Variants in GPC5 observed in about 807,000 individuals in gnomAD.
GPC5 encodes the protein glypican-5.
A neutral mutation model predicts 53.9 loss-of-function variants in GPC5; 47 were observed. The ratio of observed to expected loss-of-function variants is 0.87; its 90% confidence interval spans 0.69 to 1.11. The LOEUF is 1.11. Among genes scored for constraint, GPC5 ranks in the 50% most tolerant of loss-of-function variants. The probability of loss-of-function intolerance (pLI) is 0.00; values close to 1 mark genes in which losing one functional copy is unlikely to be tolerated. For synonymous variants in GPC5, 286 were observed against 263.3 expected, an observed-to-expected ratio of 1.09 and a Z score of -0.84; for missense variants, 748 against 713.1, an observed-to-expected ratio of 1.05 and a Z score of -0.56.
chr13:91,765,179 G>T lies in GPC5; in HGVS notation c.1280+8759G>T, dbSNP rs530110852. ...GCTGCCTTCCATTTGCGTAGGCATAGGCCAACTACCAGCCCTTTTAGTCCT... is the reference window on the plus strand; with the variant it reads ...GCTGCCTTCCATTTGCGTAGGCATATGCCAACTACCAGCCCTTTTAGTCCT... On this transcript the variant is annotated intron_variant, in intron 5 of 7. Coordinates refer to ENST00000377067, the MANE Select transcript of GPC5 (RefSeq NM_004466.6). 6.8e-4 allele frequency among the ~76,000 whole-genome samples: 103 copies of T among 152,220 alleles called. 1 individual carries two copies. The highest frequency in any genetic ancestry group is 1.2e-3 in the Admixed American group (19 of 15,288).
At chr13:92,109,558 G>T (rs1298631679) in intron 6 of GPC5, among the ~76,000 whole-genome samples, 2 of 152,050 alleles carry the variant, frequency 1.3e-5, no homozygotes. Flanking sequence ...TGAAAATTTA[G>T]ATTCAACAAA....
chr13:91,419,169 T>C (rs1177415350), intron 1 of GPC5, among the ~76,000 whole-genome samples: 2 of 152,148 alleles, frequency 1.3e-5, no homozygotes, highest in Non-Finnish European at 2.9e-5. Context: ...AGCAATTCAA[T>C]GTCTTAATAG....
intron 3 of GPC5, among the ~76,000 whole-genome samples, chr13:91,701,310 T>C (rs2035986543): frequency 6.6e-6 from 1 of 152,146 alleles, no homozygotes; most frequent in African/African-American, 2.4e-5. Flanking sequence ...AACTCATTCT[T>C]TCTGTCTAAT....
At chr13:91,980,148 T>C (rs913151699) in intron 6 of GPC5, among the ~76,000 whole-genome samples, 1 of 152,224 alleles carries the variant, frequency 6.6e-6, no homozygotes, top group Non-Finnish European at 1.5e-5. Flanking sequence ...TCCAACACTG[T>C]GACAGAGAAA....
intron 7 of GPC5, among the ~76,000 whole-genome samples, chr13:92,152,010 T>A (rs1422688895): frequency 6.6e-6 from 1 of 152,150 alleles, no homozygotes; most frequent in Admixed American, 6.5e-5. Context: ...GATGAGAAGG[T>A]TTCCTGGGAG....
Position 92,189,619 on chromosome 13 carries a change from A to G in GPC5, c.1561+44630A>G, listed in dbSNP as rs547343310. Reference sequence around the variant, plus strand: ...CACACACACACACAAAAGTTTCAAGAGACTGAACGAGTATGAGAATCAGAG... The same window carrying G: ...CACACACACACACAAAAGTTTCAAGGGACTGAACGAGTATGAGAATCAGAG... On this transcript the variant is annotated intron_variant, in intron 7 of 7. Coordinates refer to ENST00000377067, the MANE Select transcript of GPC5 (RefSeq NM_004466.6). Among the ~76,000 whole-genome samples, 9 of 152,148 alleles carry G rather than the reference A, an allele frequency of 5.9e-5. No individual in the cohort carries two copies. In the South Asian group the frequency reaches 1.7e-3, roughly 28 times the overall value.
At chr13:91,856,927 C>A (rs7992519) in intron 5 of GPC5, among the ~76,000 whole-genome samples, 28,543 of 150,108 alleles carry the variant, frequency 0.19, 3,019 homozygotes, top group East Asian at 0.31. Flanking sequence ...ACCTGAAATT[C>A]ATTTGTGTGT....
At chr13:91,645,274 T>G (rs2034531376) in intron 2 of GPC5, among the ~76,000 whole-genome samples, 1 of 152,224 alleles carries the variant, frequency 6.6e-6, no homozygotes, top group Non-Finnish European at 1.5e-5. Flanking sequence ...TTTTTTATCT[T>G]GACTTTGAAA....
intron 1 of GPC5, among the ~76,000 whole-genome samples, chr13:91,444,375 A>AT (rs1219683205): frequency 1.3e-5 from 2 of 151,086 alleles, no homozygotes; most frequent in Non-Finnish European, 3.0e-5. Flanking sequence ...ATTCCAGCAT[A>AT]TTTTTTCTTG....
chr13:91,929,917 A>G (rs2039805898), intron 6 of GPC5, among the ~76,000 whole-genome samples: 3 of 152,056 alleles, frequency 2.0e-5, no homozygotes, highest in Admixed American at 2.0e-4. Flanking sequence ...ATTGATATAG[A>G]TTATTTAGTA....
intron 7 of GPC5, among the ~76,000 whole-genome samples, chr13:92,163,671 C>A (rs1479404916): frequency 6.6e-6 from 1 of 152,098 alleles, no homozygotes; most frequent in African/African-American, 2.4e-5. Context: ...CTAGATGTAG[C>A]TTCAGCAAAA....
intron 7 of GPC5, among the ~76,000 whole-genome samples, chr13:92,246,071 C>T (rs1594033417): frequency 6.6e-6 from 1 of 152,026 alleles, no homozygotes; most frequent in Non-Finnish European, 1.5e-5. Context: ...CTCATTGATT[C>T]TGAGATCTTA....
intron 3 of GPC5, among the ~76,000 whole-genome samples, chr13:91,699,238 A>C (rs2035945627): frequency 1.3e-5 from 2 of 152,186 alleles, no homozygotes; most frequent in African/African-American, 4.8e-5. Flanking sequence ...AATATATGAA[A>C]AGTTGACAAG....
intron 5 of GPC5, among the ~76,000 whole-genome samples, chr13:91,888,229 T>C (rs2039346923): frequency 6.6e-6 from 1 of 152,076 alleles, no homozygotes; most frequent in South Asian, 2.1e-4. Context: ...CATCAGACCT[T>C]GTGAAACTTA....
intron 7 of GPC5, among the ~76,000 whole-genome samples, chr13:92,350,825 T>C (rs1490511866): frequency 2.6e-5 from 4 of 152,110 alleles, no homozygotes; most frequent in Admixed American, 6.6e-5. Context: ...ATAAAATAGT[T>C]TTTAAAAGAC....
chr13:92,778,449 T>C (rs1310378222), intron 7 of GPC5, among the ~76,000 whole-genome samples: 1 of 152,172 alleles, frequency 6.6e-6, no homozygotes, highest in Non-Finnish European at 1.5e-5. Flanking sequence ...ATTCTTGTCT[T>C]TATTAAGAGT....
chr13:92,203,330 C>T (rs561826862), intron 7 of GPC5, among the ~76,000 whole-genome samples: 24 of 148,868 alleles, frequency 1.6e-4, no homozygotes, highest in African/African-American at 5.0e-4. Flanking sequence ...AGTTCATATC[C>T]TTTGTAGGGA....
chr13:92,653,133 C>T (rs1269902652), intron 7 of GPC5, among the ~76,000 whole-genome samples: 2 of 152,178 alleles, frequency 1.3e-5, no homozygotes, highest in African/African-American at 2.4e-5. Flanking sequence ...TATCAAGCAG[C>T]GTACTGCTGT....
intron 6 of GPC5, among the ~76,000 whole-genome samples, chr13:91,982,301 A>G (rs997941528): frequency 2.6e-5 from 4 of 152,208 alleles, no homozygotes; most frequent in African/African-American, 7.2e-5. Context: ...TCCCACAAAT[A>G]TATTCAAATG....
Sources: gnomAD v4.1 joint callset for allele counts (sites outside exome capture counted in the v4.1 genomes callset) on GRCh38, gnomAD v4.1.1 for gene constraint, MANE v1.5 for transcripts, NCBI Gene and HGNC (gene_info 2026-07-23, HGNC 2026-07-21) for gene names.